ZBBX: variants seen among roughly 807,000 people sequenced by gnomAD.
ZBBX encodes the protein zinc finger B-box domain containing.
In ZBBX, 101 loss-of-function variants were observed where a neutral mutation model predicts 108.5. The observed-to-expected ratio is 0.93, with a 90% CI of 0.79 to 1.10. ZBBX has a LOEUF of 1.10. Ranked by LOEUF, ZBBX falls within the 50% of genes least tolerant of loss-of-function variation. The pLI, the probability that ZBBX is intolerant of heterozygous loss-of-function variation, is 0.00. For missense variants in ZBBX, 1,009 were observed against 941.4 expected, an observed-to-expected ratio of 1.07 and a Z score of -0.94; for synonymous variants, 356 against 323.4, an observed-to-expected ratio of 1.10 and a Z score of -1.08.
intron 20 of ZBBX, among the ~76,000 whole-genome samples, chr3:167,259,143 C>T (rs1298612235): frequency 1.3e-5 from 2 of 152,040 alleles, no homozygotes; most frequent in African/African-American, 4.8e-5. Flanking sequence ...CCATTTCAAT[C>T]TCACTGCTTG....
At chr3:167,291,151 G>GGCC (rs1730623892) in intron 18 of ZBBX, among the ~76,000 whole-genome samples, 3 of 152,026 alleles carry the variant, frequency 2.0e-5, no homozygotes, top group African/African-American at 7.2e-5. Flanking sequence ...TTATCCAAGA[G>GGCC]AACTTCCCCA....
intron 20 of ZBBX, among the ~76,000 whole-genome samples, chr3:167,272,852 A>C (rs1010296107): frequency 6.6e-6 from 1 of 152,168 alleles, no homozygotes; most frequent in Non-Finnish European, 1.5e-5. Context: ...ACCGAATATC[A>C]AGGCTGGACC....
At chr3:167,305,155 A>T (rs1733394975) in intron 17 of ZBBX, among the ~76,000 whole-genome samples, 1 of 150,980 alleles carries the variant, frequency 6.6e-6, no homozygotes, top group East Asian at 2.0e-4. Flanking sequence ...CTATGAGAAG[A>T]AACAAAATCT....
At chr3:167,362,333 G>A (rs1299274362) in intron 6 of ZBBX, among the ~76,000 whole-genome samples, 1 of 152,064 alleles carries the variant, frequency 6.6e-6, no homozygotes, top group Non-Finnish European at 1.5e-5. Flanking sequence ...GGCCAGGAAA[G>A]CTTAGTGGAT....
At chr3:167,220,957 C>T in the ZBBX span, among the ~76,000 whole-genome samples, 2 of 151,742 alleles carry the variant, frequency 1.3e-5, no homozygotes, top group South Asian at 2.1e-4. Flanking sequence ...GAAAGTAATG[C>T]TATTTACAAT....
In ZBBX at chr3:167,311,121, G is replaced by C. The variant is rs1344513397; in HGVS notation, c.1417+2853C>G. The stretch of plus-strand genomic sequence containing the variant: ...AATAAATGTAGACAAATAGATAAAT[G>C]AAACAGAATAGAGAATCCTGAGTAG... On this transcript the variant is annotated intron_variant, in intron 16 of 21. Coordinates refer to ENST00000675490, the MANE Select transcript of ZBBX (RefSeq NM_001199201.2). Among the ~76,000 whole-genome samples the C allele has an allele frequency of 2.0e-5, 3 of 152,084 alleles. No homozygotes were observed. In the East Asian group the frequency reaches 5.8e-4, roughly 29 times the overall value.
chr3:167,310,522 G>C (rs1734395933), intron 16 of ZBBX, among the ~76,000 whole-genome samples: 1 of 152,160 alleles, frequency 6.6e-6, no homozygotes, highest in Non-Finnish European at 1.5e-5. Context: ...ATGGCTGGGA[G>C]GTCTCAGGAG....
intron 18 of ZBBX, among the ~76,000 whole-genome samples, chr3:167,296,864 A>T (rs1318844972): frequency 6.6e-6 from 1 of 151,966 alleles, no homozygotes; most frequent in Non-Finnish European, 1.5e-5. Context: ...TCGTAGAAAT[A>T]AAAAAACCCA....
chr3:167,369,038 T>C (rs760282274), intron 4 of ZBBX, among the ~76,000 whole-genome samples: 4 of 152,154 alleles, frequency 2.6e-5, no homozygotes, highest in Non-Finnish European at 4.4e-5. Context: ...TTATGTCATA[T>C]ATGTATGATG....
downstream of ZBBX, among the ~76,000 whole-genome samples, chr3:167,237,808 C>A (rs1052003994): frequency 6.6e-6 from 1 of 151,776 alleles, no homozygotes; most frequent in Non-Finnish European, 1.5e-5. Flanking sequence ...GTACTGATGA[C>A]AATTAATTAT....
At chr3:167,321,439 C>T (rs1736431772) in intron 12 of ZBBX, among the ~76,000 whole-genome samples, 1 of 151,930 alleles carries the variant, frequency 6.6e-6, no homozygotes, top group South Asian at 2.1e-4. Context: ...TGGGCCACCT[C>T]GGGAGATGGT....
At chr3:167,302,862 G>A (rs975433979) in intron 17 of ZBBX, among the ~76,000 whole-genome samples, 1 of 152,176 alleles carries the variant, frequency 6.6e-6, no homozygotes, top group Non-Finnish European at 1.5e-5. Context: ...GAGAAATCCT[G>A]ATCTTAGGAA....
intron 20 of ZBBX, among the ~76,000 whole-genome samples, chr3:167,260,037 A>G (rs1407309773): frequency 2.0e-5 from 3 of 152,076 alleles, no homozygotes; most frequent in African/African-American, 7.2e-5. Context: ...GTAATGGTGA[A>G]TTCTCTCAGC....
the ZBBX span, among the ~76,000 whole-genome samples, chr3:167,196,151 G>A: frequency 4.6e-5 from 7 of 152,080 alleles, no homozygotes; most frequent in African/African-American, 1.7e-4. Flanking sequence ...TATTACAAAG[G>A]CCCCTTTGAT....
chr3:167,182,232 A>G, the ZBBX span, among the ~76,000 whole-genome samples: 2 of 152,266 alleles, frequency 1.3e-5, no homozygotes, highest in East Asian at 1.9e-4. Flanking sequence ...GCTTGTGCCA[A>G]CAAAGTAGCA....
At chr3:167,304,660 T>C (rs1347537143) in intron 17 of ZBBX, among the ~76,000 whole-genome samples, 3 of 152,160 alleles carry the variant, frequency 2.0e-5, no homozygotes, top group Non-Finnish European at 4.4e-5. Context: ...TATCCAAACC[T>C]ATGCTAAATG....
intron 9 of ZBBX, among the ~76,000 whole-genome samples, chr3:167,348,316 GAA>G (rs1395505728): frequency 4.9e-5 from 3 of 60,722 alleles, no homozygotes; most frequent in African/African-American, 1.7e-4. Flanking sequence ...GAAAGAAAGA[GAA>G]AGAAAGAAAG....
intron 1 of ZBBX, among the ~76,000 whole-genome samples, chr3:167,392,614 A>G (rs1013489337): frequency 3.3e-5 from 5 of 151,788 alleles, no homozygotes; most frequent in African/African-American, 1.2e-4. Flanking sequence ...CCCACTGAAA[A>G]GAGATTAGTC....
In ZBBX at chr3:167,317,088, G is replaced by T. The variant is rs1280186999; in HGVS notation, c.1111C>A (p.Gln371Lys). The change falls in exon 14 of 22, where the codon CAA becomes AAA. Residue 371 changes from glutamine (Q) to lysine (K), a missense_variant. By Grantham distance (53) the Gln-to-Lys change is moderately conservative. Transcript: ENST00000675490. ...ACTGGCAATAAAAGAGCTGTGTGTT[G>T]TACTTTGGTCTCCTCACCTAGGAAA... ...EDSDGEETKV[Q>K]HTALLLPVET... The T allele has an allele frequency of 2.5e-6, 4 of 1,608,378 alleles. No individual in the cohort carries two copies. The highest frequency in any genetic ancestry group is 3.4e-6 in the Non-Finnish European group (4 of 1,176,466).
Sources: allele counts gnomAD v4.1 joint callset (sites outside exome capture counted in the v4.1 genomes callset), GRCh38; gene constraint gnomAD v4.1.1; transcripts MANE v1.5; gene names NCBI Gene and HGNC (gene_info 2026-07-23, HGNC 2026-07-21).